Variants in CDH23 observed in about 807,000 individuals in gnomAD.
The protein encoded by CDH23 is cadherin-23.
Under a neutral mutation model 317.1 loss-of-function variants are expected in CDH23, and 189 were observed. The ratio of observed to expected loss-of-function variants is 0.60; its 90% CI spans 0.53 to 0.67. The LOEUF is 0.67. CDH23 is among the 30% of genes least tolerant of loss of function. The pLI is 0.00. For synonymous variants in CDH23, 1,839 were observed against 1,876.8 expected (o/e 0.98, Z 0.52); for missense variants, 4,401 against 4,592.4 (o/e 0.96, Z 1.20).
chr10:71,756,654 G>T (rs527960131), intron 38 of CDH23, among the ~76,000 whole-genome samples: 2 of 152,208 alleles, frequency 1.3e-5, no homozygotes, highest in African/African-American at 4.8e-5. Context: ...TCTGCTGACT[G>T]CAGGAGTTTA....
chr10:71,585,830 C>T (rs1859019811), intron 9 of CDH23, among the ~76,000 whole-genome samples: 1 of 152,228 alleles, frequency 6.6e-6, no homozygotes, highest in South Asian at 2.1e-4. Flanking sequence ...TTCCTCTCTC[C>T]TTTAATGAGG....
intron 1 of CDH23, among the ~76,000 whole-genome samples, chr10:71,403,377 T>C (rs1847896007): frequency 8.5e-6 from 1 of 118,082 alleles, no homozygotes; most frequent in African/African-American, 4.2e-5. Flanking sequence ...CTTTCTTTCT[T>C]TCTTTCTTTC....
At chr10:71,641,300 C>T (rs1293861294) in intron 11 of CDH23, among the ~76,000 whole-genome samples, 1 of 152,186 alleles carries the variant, frequency 6.6e-6, no homozygotes, top group Non-Finnish European at 1.5e-5. Flanking sequence ...TTTAGAACGC[C>T]ACTGGTGATT....
chr10:71,806,492 A>C (rs1160518517), intron 57 of CDH23, among the ~76,000 whole-genome samples: 1 of 150,964 alleles, frequency 6.6e-6, no homozygotes, highest in Non-Finnish European at 1.5e-5. Flanking sequence ...AAAAAGGCAG[A>C]CCAAAATGCC....
chr10:71,546,557 G>T (rs1284797683), intron 6 of CDH23, among the ~76,000 whole-genome samples: 1 of 152,240 alleles, frequency 6.6e-6, no homozygotes, highest in African/African-American at 2.4e-5. Context: ...TGATAAACAA[G>T]TTGGGACTGA....
intron 9 of CDH23, among the ~76,000 whole-genome samples, chr10:71,613,802 G>A (rs909787690): frequency 2.6e-5 from 4 of 152,200 alleles, no homozygotes; most frequent in East Asian, 3.8e-4. Context: ...GTTCACCTGC[G>A]TGTGTTGAAG....
intron 38 of CDH23, chr10:71,755,034 G>A: frequency 3.9e-6 from 2 of 509,416 alleles, no homozygotes; most frequent in South Asian, 3.1e-5. Context: ...GGTCCCCCAA[G>A]GATCTCTGAG....
chr10:71,784,598 G>A (rs1009924404), intron 42 of CDH23, among the ~76,000 whole-genome samples, 178 bp downstream of exon 42: 14 of 152,172 alleles, frequency 9.2e-5, no homozygotes, highest in African/African-American at 2.2e-4. Flanking sequence ...ACTCTTTGGG[G>A]AGGCTGCCTT....
At chr10:71,555,445 T>C (rs1242739220) in intron 6 of CDH23, among the ~76,000 whole-genome samples, 2 of 152,224 alleles carry the variant, frequency 1.3e-5, no homozygotes, top group African/African-American at 4.8e-5. Flanking sequence ...GTCACTGTTA[T>C]GAACTTTGGT....
intron 41 of CDH23, among the ~76,000 whole-genome samples, chr10:71,783,817 C>T (rs1841022687): frequency 6.6e-6 from 1 of 152,266 alleles, no homozygotes; most frequent in Admixed American, 6.5e-5. Flanking sequence ...ATTAGCAAAG[C>T]ATTGCTTTGT....
At chr10:71,759,059 G>GTCTTGCTCT (rs1840222649) in intron 38 of CDH23, among the ~76,000 whole-genome samples, 1 of 150,886 alleles carries the variant, frequency 6.6e-6, no homozygotes, top group African/African-American at 2.4e-5. Flanking sequence ...TTTTTTTTGA[G>GTCTTGCTCT]ATGGAGTCTT....
In CDH23 at chr10:71,807,692, C is replaced by T. The variant is rs1277313409; in HGVS notation, c.8485C>T (p.Leu2829=). 6.2e-7 allele frequency: 1 copy of T among 1,613,638 alleles called. No homozygotes were observed. Among genetic ancestry groups the T allele is most frequent in the Non-Finnish European group, 8.5e-7 (1 of 1,179,736 alleles). ...PTLDLVADLT[L]QEVRVVLEDI... Reference sequence around the variant, plus strand: ...CCTCGACCTGGTTGCTGACCTCACACTGCAGGAGGTGCGCGTTGTGCTAGA... The same window carrying T: ...CCTCGACCTGGTTGCTGACCTCACATTGCAGGAGGTGCGCGTTGTGCTAGA... The change falls in exon 59 of 70, where the codon CTG becomes TTG. Residue 2829 remains leucine, a synonymous_variant. Transcript: ENST00000224721.
intron 9 of CDH23, among the ~76,000 whole-genome samples, chr10:71,582,239 C>T (rs1031579052): frequency 3.9e-5 from 6 of 152,166 alleles, no homozygotes; most frequent in Non-Finnish European, 5.9e-5. Flanking sequence ...CTAGCTGTGC[C>T]GGCCAGTGCA....
At chr10:71,803,815 CAAAA>C (rs59916449) in intron 55 of CDH23, among the ~76,000 whole-genome samples, 46 of 71,104 alleles carry the variant, frequency 6.5e-4, no homozygotes, top group African/African-American at 1.5e-3. Flanking sequence ...ACTAAAAATG[CAAAA>C]AAAAAAAAAA....
intron 38 of CDH23, chr10:71,755,346 G>T (rs3747858): frequency 0.62 from 993,493 of 1,603,730 alleles, 309,140 homozygotes; most frequent in African/African-American, 0.75. Context: ...CCCAGGCAGG[G>T]AGGAATACTC....
chr10:71,471,363 C>T (rs1851498745), intron 3 of CDH23, among the ~76,000 whole-genome samples: 1 of 152,222 alleles, frequency 6.6e-6, no homozygotes, highest in Admixed American at 6.5e-5. Context: ...TCACTCACGA[C>T]CTGGAACTGT....
chr10:71,431,876 TG>T (rs1172451997), intron 1 of CDH23, among the ~76,000 whole-genome samples: 1 of 152,198 alleles, frequency 6.6e-6, no homozygotes, highest in Admixed American at 6.5e-5. Context: ...ATGGTCACGG[TG>T]GGGGCCCTGC....
chr10:71,732,773 T>C (rs74147048), intron 32 of CDH23: 27,317 of 990,454 alleles, frequency 0.028, 557 homozygotes, highest in East Asian at 0.096. Flanking sequence ...CCATCACAGA[T>C]CCTTCACCTC....
intron 6 of CDH23, among the ~76,000 whole-genome samples, chr10:71,548,114 G>A (rs1374008528): frequency 6.6e-6 from 1 of 152,160 alleles, no homozygotes. Context: ...TTGCCCTGAC[G>A]TTCAGAAATG....
Sources: gnomAD v4.1 joint callset for allele counts (sites outside exome capture counted in the v4.1 genomes callset) on GRCh38, gnomAD v4.1.1 for gene constraint, MANE v1.5 for transcripts, NCBI Gene and HGNC (gene_info 2026-07-23, HGNC 2026-07-21) for gene names.